CACNA1I: variants seen among roughly 807,000 people sequenced by gnomAD.
The protein encoded by CACNA1I is voltage-dependent T-type calcium channel subunit alpha-1I.
CACNA1I carries 74 observed loss-of-function variants against 201.6 expected under a neutral mutation model. The ratio of observed to expected loss-of-function variants is 0.37; its 90% confidence interval spans 0.30 to 0.45. The LOEUF (loss-of-function observed/expected upper bound fraction) is 0.45. Among genes scored for constraint, CACNA1I ranks in the 20% least tolerant of loss-of-function variants. CACNA1I has a pLI of 1.00. For missense variants in CACNA1I, 2,346 were observed against 3,138.1 expected, an observed-to-expected ratio of 0.75 and a Z score of 6.03; for synonymous variants, 1,431 against 1,345.2, an observed-to-expected ratio of 1.06 and a Z score of -1.40.
At chr22:39,597,392 C>G (rs1013639411) in intron 1 of CACNA1I, among the ~76,000 whole-genome samples, 1 of 152,136 alleles carries the variant, frequency 6.6e-6, no homozygotes, top group African/African-American at 2.4e-5. Flanking sequence ...TGGAGGGGCT[C>G]TCAGCAGTGG....
intron 7 of CACNA1I, among the ~76,000 whole-genome samples, chr22:39,643,795 C>A (rs1934407207): frequency 6.6e-6 from 1 of 152,174 alleles, no homozygotes; most frequent in South Asian, 2.1e-4. Flanking sequence ...AGGAGAGGGG[C>A]CAGATTTTAT....
chr22:39,576,341 C>G (rs1932351259), intron 1 of CACNA1I, among the ~76,000 whole-genome samples: 1 of 152,222 alleles, frequency 6.6e-6, no homozygotes, highest in Non-Finnish European at 1.5e-5. Context: ...GCTCTCATAG[C>G]CCCATTTTAC....
chr22:39,673,983 G>A lies in CACNA1I; in HGVS notation c.4804G>A (p.Ala1602Thr). 1 of 1,613,292 alleles carries A rather than the reference G, an allele frequency of 6.2e-7. No individual in the cohort carries two copies. Among genetic ancestry groups the A allele is most frequent in the South Asian group, 1.1e-5 (1 of 91,064 alleles). Reference protein sequence around the residue: ...IARVLKLLKMATGMRALLDTV... With the variant: ...IARVLKLLKMTTGMRALLDTV... Reference sequence around the variant, plus strand: ...CGCAGTGCTGAAGCTGTTGAAGATGGCCACAGGAATGCGGGCCCTGCTGGA... The same window carrying A: ...CGCAGTGCTGAAGCTGTTGAAGATGACCACAGGAATGCGGGCCCTGCTGGA... Residue 1602 changes from alanine (A) to threonine (T), a missense_variant, in exon 29 of 37, where the codon GCC (alanine) becomes ACC (threonine). Around this residue, in one of 13 missense-constraint regions of CACNA1I, gnomAD observed 228 missense variants for 395.7 expected, o/e 0.58. Transcript: ENST00000402142.
At chr22:39,683,568 T>C (rs1935763191) in intron 35 of CACNA1I, among the ~76,000 whole-genome samples, 1 of 152,202 alleles carries the variant, frequency 6.6e-6, no homozygotes, top group Admixed American at 6.5e-5. Flanking sequence ...TTTCCTTAAA[T>C]GGTAAGATGG....
At chr22:39,636,465 T>A (rs1335460869) in intron 5 of CACNA1I, among the ~76,000 whole-genome samples, 1 of 152,080 alleles carries the variant, frequency 6.6e-6, no homozygotes, top group East Asian at 1.9e-4. Flanking sequence ...TCTCTTAGGG[T>A]GGGTGTTATT....
intron 1 of CACNA1I, among the ~76,000 whole-genome samples, chr22:39,591,704 G>A (rs1443423940): frequency 1.3e-5 from 2 of 151,796 alleles, no homozygotes; most frequent in Non-Finnish European, 2.9e-5. Context: ...GATTACAGGC[G>A]CCTGCCACCA....
chr22:39,603,774 CA>C (rs1282208531), intron 3 of CACNA1I, among the ~76,000 whole-genome samples: 1 of 152,100 alleles, frequency 6.6e-6, no homozygotes, highest in African/African-American at 2.4e-5. Context: ...AGATGGTAAT[CA>C]GCAGAATTAG....
chr22:39,616,999 C>T (rs906525106), intron 3 of CACNA1I, among the ~76,000 whole-genome samples: 1 of 152,032 alleles, frequency 6.6e-6, no homozygotes, highest in Non-Finnish European at 1.5e-5. Flanking sequence ...CAAGGGCTCC[C>T]TCAATGAGCC....
intron 15 of CACNA1I, among the ~76,000 whole-genome samples, chr22:39,660,893 A>G (rs773746197): frequency 1.9e-4 from 29 of 152,168 alleles, no homozygotes; most frequent in Non-Finnish European, 3.2e-4. Flanking sequence ...CAAGGGGTCC[A>G]CACATACCTA....
chr22:39,670,214 G>A lies in CACNA1I; in HGVS notation c.4371G>A (p.Leu1457=), dbSNP rs752130499. The change falls in exon 25 of 37, where the codon CTG becomes CTA. Residue 1457 remains leucine, a synonymous_variant. Coordinates refer to ENST00000402142, the MANE Select transcript of CACNA1I (RefSeq NM_021096.4). ...GTGAGGAGAAGCGGCTGCGGCGCCTGGAGAAGAAGCGCCGGAGTGAGTGGG... is the reference window on the plus strand; with the variant it reads ...GTGAGGAGAAGCGGCTGCGGCGCCTAGAGAAGAAGCGCCGGAGTGAGTGGG... ...RRREEKRLRR[L]EKKRRKAQRL... is the part of the protein sequence containing the mutation. 33 of 1,612,856 alleles carry A rather than the reference G, an allele frequency of 2.0e-5. No individual in the cohort carries two copies. In the East Asian group the frequency reaches 7.1e-4, roughly 35 times the overall value.
chr22:39,594,407 T>C lies in CACNA1I; in HGVS notation c.237-3744T>C, dbSNP rs188259152. ...GGGATGGGGGATGTTCTTTGGTAATTAGAATGTTCGAACTTCAAAAAAGTT... is the reference window on the plus strand; with the variant it reads ...GGGATGGGGGATGTTCTTTGGTAATCAGAATGTTCGAACTTCAAAAAAGTT... On this transcript the variant is annotated intron_variant, in intron 1 of 36. Coordinates refer to ENST00000402142, the MANE Select transcript of CACNA1I (RefSeq NM_021096.4). Among the ~76,000 whole-genome samples, 23 of 152,150 alleles carry C rather than the reference T, an allele frequency of 1.5e-4. No homozygotes were observed. In the East Asian group the frequency reaches 4.4e-3, roughly 29 times the overall value.
intron 2 of CACNA1I, among the ~76,000 whole-genome samples, chr22:39,599,011 C>T (rs558094360): frequency 7.8e-6 from 1 of 128,422 alleles, no homozygotes; most frequent in East Asian, 2.3e-4. Context: ...TGCAGTGGCG[C>T]GATCTCGGTT....
chr22:39,671,992 A>G (rs1173745327), intron 26 of CACNA1I, among the ~76,000 whole-genome samples: 2 of 152,216 alleles, frequency 1.3e-5, no homozygotes, highest in African/African-American at 2.4e-5. Flanking sequence ...CCAGATACAC[A>G]TAAATAAGAA....
intron 1 of CACNA1I, among the ~76,000 whole-genome samples, chr22:39,595,279 C>T (rs1454681182): frequency 2.0e-5 from 3 of 151,378 alleles, no homozygotes; most frequent in African/African-American, 7.3e-5. Flanking sequence ...CAGAGCAAGA[C>T]TCCGTCTCAA....
chr22:39,639,337 A>T (rs948079000), intron 5 of CACNA1I, among the ~76,000 whole-genome samples: 5 of 152,196 alleles, frequency 3.3e-5, no homozygotes, highest in African/African-American at 1.2e-4. Context: ...GAAATTTTAC[A>T]TTAGTATGTA....
At chr22:39,592,101 G>A (rs184150091) in intron 1 of CACNA1I, among the ~76,000 whole-genome samples, 25 of 152,322 alleles carry the variant, frequency 1.6e-4, no homozygotes, top group Admixed American at 4.6e-4. Flanking sequence ...GTGCTGAGGC[G>A]CTGGGGGGCT....
At chr22:39,625,405 G>A (rs1601472500) in intron 4 of CACNA1I, among the ~76,000 whole-genome samples, 1 of 152,334 alleles carries the variant, frequency 6.6e-6, no homozygotes, top group South Asian at 2.1e-4. Context: ...GCAAGTGTGG[G>A]TCAGAGAATA....
chr22:39,594,215 G>A (rs1932853715), intron 1 of CACNA1I, among the ~76,000 whole-genome samples: 1 of 152,176 alleles, frequency 6.6e-6, no homozygotes, highest in African/African-American at 2.4e-5. Context: ...AAATGGGCCT[G>A]CTGACCTCCA....
At chr22:39,617,336 C>T (rs1933569809) in intron 3 of CACNA1I, among the ~76,000 whole-genome samples, 1 of 152,196 alleles carries the variant, frequency 6.6e-6, no homozygotes, top group African/African-American at 2.4e-5. Flanking sequence ...GGCTGGGAGC[C>T]CCCATCTCCA....
Sources: allele counts gnomAD v4.1 joint callset (sites outside exome capture counted in the v4.1 genomes callset), GRCh38; gene constraint gnomAD v4.1.1; regional missense constraint gnomAD v4.1.1; transcripts MANE v1.5; gene names NCBI Gene and HGNC (gene_info 2026-07-23, HGNC 2026-07-21).